PLD5: variants seen among roughly 807,000 people sequenced by gnomAD.
The protein encoded by PLD5 is inactive phospholipase D5.
Under a neutral mutation model 61.1 loss-of-function variants are expected in PLD5, and 36 were observed. The ratio of observed to expected loss-of-function variants is 0.59; its 90% CI spans 0.45 to 0.78. The LOEUF (loss-of-function observed/expected upper bound fraction) is 0.78. PLD5 is among the 30% of genes least tolerant of loss of function. PLD5 has a pLI of 0.00. For missense variants in PLD5, 515 were observed against 644.4 expected (o/e 0.80, Z 2.17); for synonymous variants, 243 against 242.8 (o/e 1.00, Z -0.01).
intron 5 of PLD5, among the ~76,000 whole-genome samples, chr1:242,192,729 A>G (rs531457096): frequency 3.5e-4 from 53 of 152,024 alleles, no homozygotes; most frequent in Admixed American, 1.5e-3. Flanking sequence ...TGAAGTATTG[A>G]AGATGTTGAA....
At chr1:242,351,308 A>T (rs1660465461) in intron 1 of PLD5, among the ~76,000 whole-genome samples, 1 of 152,260 alleles carries the variant, frequency 6.6e-6, no homozygotes, top group African/African-American at 2.4e-5. Flanking sequence ...GTGAATGAAC[A>T]AAATGAAAAT....
At chr1:242,241,428 T>C (rs1452763576) in intron 4 of PLD5, among the ~76,000 whole-genome samples, 1 of 152,180 alleles carries the variant, frequency 6.6e-6, no homozygotes, top group East Asian at 1.9e-4. Flanking sequence ...CTCTGAACAC[T>C]ATGTTCTTTT....
chr1:242,484,158 G>A (rs1667876771), intron 1 of PLD5, among the ~76,000 whole-genome samples: 1 of 152,188 alleles, frequency 6.6e-6, no homozygotes, highest in Admixed American at 6.5e-5. Flanking sequence ...AACTACAGAA[G>A]CAAGAGCAAA....
At chr1:242,330,354 C>G (rs1016759510) in intron 2 of PLD5, among the ~76,000 whole-genome samples, 1 of 152,182 alleles carries the variant, frequency 6.6e-6, no homozygotes, top group Admixed American at 6.5e-5. Flanking sequence ...CCCTTCCATT[C>G]TGTGACAACA....
In PLD5 at chr1:242,513,295, T is replaced by C. The variant is rs145479105; in HGVS notation, c.189+10793A>G. On this transcript the variant is annotated intron_variant, in intron 1 of 9. Coordinates refer to ENST00000536534, the MANE Select transcript of PLD5 (RefSeq NM_001372062.1). The stretch of plus-strand genomic sequence containing the variant: ...CCTGTCTCACTCAACACACATTCAT[T>C]CATTCGTTCACTTGCTGTTTCAATA... 7.2e-3 allele frequency among the ~76,000 whole-genome samples: 1,094 copies of C among 152,308 alleles called. 11 individuals are homozygous for C. The highest frequency in any genetic ancestry group is 0.011 in the Non-Finnish European group (732 of 68,036).
At chr1:242,298,100 T>C (rs914957944) in intron 2 of PLD5, among the ~76,000 whole-genome samples, 1 of 152,154 alleles carries the variant, frequency 6.6e-6, no homozygotes, top group Non-Finnish European at 1.5e-5. Flanking sequence ...TGTCACCAGA[T>C]GTTTCCTTTT....
chr1:242,510,879 C>T (rs1026661882), intron 1 of PLD5, among the ~76,000 whole-genome samples: 2 of 152,120 alleles, frequency 1.3e-5, no homozygotes, highest in Admixed American at 1.3e-4. Flanking sequence ...GATGTTTCAT[C>T]TTTACAAAAA....
intron 1 of PLD5, among the ~76,000 whole-genome samples, chr1:242,418,990 C>G (rs1245676293): frequency 6.6e-6 from 1 of 151,296 alleles, no homozygotes; most frequent in Non-Finnish European, 1.5e-5. Flanking sequence ...AGGAGCAGTT[C>G]CTTGTTCTTC....
intron 5 of PLD5, among the ~76,000 whole-genome samples, chr1:242,153,691 T>C (rs953330531): frequency 2.4e-4 from 37 of 152,112 alleles, no homozygotes; most frequent in Non-Finnish European, 4.0e-4. Flanking sequence ...CTGAGGCCTC[T>C]GTTCTGTTCC....
chr1:242,212,101 G>A lies in PLD5; in HGVS notation c.735+7887C>T, dbSNP rs140384530. On this transcript the variant is annotated intron_variant, in intron 5 of 9. Coordinates refer to ENST00000536534, the MANE Select transcript of PLD5 (RefSeq NM_001372062.1). Reference sequence around the variant, plus strand: ...CCCTGGCTCCATTATACACAGAAGAGCCTAAAAAGGAGAAGGAGGAAGAAC... The same window carrying A: ...CCCTGGCTCCATTATACACAGAAGAACCTAAAAAGGAGAAGGAGGAAGAAC... Among the ~76,000 whole-genome samples the A allele has an allele frequency of 7.9e-5, 12 of 152,260 alleles. No homozygotes were observed. In the East Asian group the frequency reaches 2.3e-3, roughly 29 times the overall value.
At chr1:242,388,410 A>G (rs1410721356) in intron 1 of PLD5, among the ~76,000 whole-genome samples, 2 of 152,172 alleles carry the variant, frequency 1.3e-5, no homozygotes, top group East Asian at 1.9e-4. Context: ...AGTCATTTCC[A>G]TTAGGTAACT....
At chr1:242,242,433 C>A (rs1297129807) in intron 4 of PLD5, among the ~76,000 whole-genome samples, 1 of 152,188 alleles carries the variant, frequency 6.6e-6, no homozygotes, top group Admixed American at 6.5e-5. Flanking sequence ...AAACAGATTT[C>A]TTAGGCATTT....
intron 1 of PLD5, among the ~76,000 whole-genome samples, chr1:242,486,633 C>T (rs2102970089): frequency 6.6e-6 from 1 of 152,258 alleles, no homozygotes; most frequent in East Asian, 1.9e-4. Context: ...CTAGTTCAAC[C>T]ATTGTGGAAG....
intron 5 of PLD5, among the ~76,000 whole-genome samples, chr1:242,194,398 A>T (rs977292541): frequency 5.9e-5 from 9 of 152,136 alleles, no homozygotes; most frequent in Non-Finnish European, 8.8e-5. Context: ...CTGCCATTTG[A>T]TCCAGCAACT....
chr1:242,108,310 G>A (rs542348461), intron 7 of PLD5, among the ~76,000 whole-genome samples: 2 of 152,188 alleles, frequency 1.3e-5, no homozygotes, highest in Admixed American at 6.5e-5. Flanking sequence ...TCCTTTTCCC[G>A]ACTGTCTTAC....
chr1:242,358,702 A>G (rs1160104715), intron 1 of PLD5, among the ~76,000 whole-genome samples: 1 of 152,162 alleles, frequency 6.6e-6, no homozygotes, highest in East Asian at 1.9e-4. Flanking sequence ...AAGGGACCCT[A>G]AAGTTAATTG....
In PLD5 at chr1:242,394,262, G is replaced by GTATGAGTATATATATGTGTATATA. The variant is rs1463628459; in HGVS notation, c.190-46044_190-46021dup. Among the ~76,000 whole-genome samples the GTATGAGTATATATATGTGTATATA allele has an allele frequency of 4.9e-5, 4 of 81,118 alleles. No individual in the cohort carries two copies. In the East Asian group the frequency reaches 1.3e-3, roughly 27 times the overall value. The allele number at this position is 81,118 out of a possible 152,430, so 53.2% of individuals were successfully genotyped here. On this transcript the variant is annotated intron_variant, in intron 1 of 9. Transcript: ENST00000536534. The stretch of plus-strand genomic sequence containing the variant: ...AGTATATATATGTGTATATATATGA[G>GTATGAGTATATATATGTGTATATA]TATGAGTATATATATGTGTATATAT...
intron 5 of PLD5, among the ~76,000 whole-genome samples, chr1:242,184,883 G>A (rs1043576042): frequency 2.0e-5 from 3 of 152,138 alleles, no homozygotes; most frequent in South Asian, 2.1e-4. Context: ...GAGGTGCAGG[G>A]CAATCAACAG....
chr1:242,308,566 T>C lies in PLD5; in HGVS notation c.327-20036A>G, dbSNP rs188325813. Reference sequence around the variant, plus strand: ...GTATGTACAGAAGTGAGTGTGCATATGCATATATACATATACTATATATAT... The same window carrying C: ...GTATGTACAGAAGTGAGTGTGCATACGCATATATACATATACTATATATAT... On this transcript the variant is annotated intron_variant, in intron 2 of 9. Coordinates refer to ENST00000536534, the MANE Select transcript of PLD5 (RefSeq NM_001372062.1). Among the ~76,000 whole-genome samples the C allele has an allele frequency of 1.7e-4, 26 of 152,254 alleles. No individual in the cohort carries two copies. In the East Asian group the frequency reaches 4.6e-3, roughly 27 times the overall value.
Sources: gnomAD v4.1 joint callset for allele counts (sites outside exome capture counted in the v4.1 genomes callset) on GRCh38, gnomAD v4.1.1 for gene constraint, MANE v1.5 for transcripts, NCBI Gene and HGNC (gene_info 2026-07-23, HGNC 2026-07-21) for gene names.